GRB14: variants seen among roughly 807,000 people sequenced by gnomAD.
GRB14 encodes the protein growth factor receptor-bound protein 14.
A neutral mutation model predicts 69.1 loss-of-function variants in GRB14; 38 were observed. The observed-to-expected ratio is 0.55, with a 90% CI of 0.42 to 0.72. The LOEUF (loss-of-function observed/expected upper bound fraction) is 0.72. Ranked by LOEUF, GRB14 falls within the 30% of genes least tolerant of loss-of-function variation. The pLI, the probability that GRB14 is intolerant of heterozygous loss-of-function variation, is 0.00. For missense variants in GRB14, 666 were observed against 666.1 expected, an observed-to-expected ratio of 1.00 and a Z score of 0.00; for synonymous variants, 247 against 241.3, an observed-to-expected ratio of 1.02 and a Z score of -0.22.
intron 13 of GRB14, among the ~76,000 whole-genome samples, chr2:164,493,762 A>C (rs1244966069): frequency 6.6e-6 from 1 of 151,924 alleles, no homozygotes; most frequent in Non-Finnish European, 1.5e-5. Flanking sequence ...ATAACTCCAA[A>C]AAGAGGCAAT....
chr2:164,494,118 G>A (rs568019801), intron 13 of GRB14, among the ~76,000 whole-genome samples: 1 of 152,320 alleles, frequency 6.6e-6, no homozygotes, highest in South Asian at 2.1e-4. Context: ...AGAGCCGTTA[G>A]TGGAATTCAG....
At chr2:164,575,948 A>G (rs1279453332) in intron 2 of GRB14, among the ~76,000 whole-genome samples, 2 of 152,154 alleles carry the variant, frequency 1.3e-5, no homozygotes, top group Non-Finnish European at 2.9e-5. Context: ...TCACCTATTG[A>G]AAGAAAAACA....
intron 8 of GRB14, among the ~76,000 whole-genome samples, chr2:164,506,345 G>A (rs1687187047): frequency 6.6e-6 from 1 of 152,128 alleles, no homozygotes; most frequent in Admixed American, 6.6e-5. Context: ...GTAAATTTCA[G>A]TTAAACAAAA....
chr2:164,504,391 A>G (rs959342365), intron 8 of GRB14, among the ~76,000 whole-genome samples: 3 of 152,174 alleles, frequency 2.0e-5, no homozygotes, highest in Non-Finnish European at 4.4e-5. Flanking sequence ...AGACACTTCT[A>G]CCATCAGGTG....
chr2:164,537,101 T>C (rs1165672943), intron 3 of GRB14, among the ~76,000 whole-genome samples: 4 of 152,170 alleles, frequency 2.6e-5, no homozygotes, highest in African/African-American at 9.7e-5. Flanking sequence ...TCTCCCGGCC[T>C]GCTGTCAGAT....
At chr2:164,582,116 G>A (rs571536892) in intron 2 of GRB14, among the ~76,000 whole-genome samples, 49 of 152,174 alleles carry the variant, frequency 3.2e-4, no homozygotes, top group Non-Finnish European at 4.6e-4. Context: ...TATTTAATTG[G>A]CTATTTGATA....
At chr2:164,550,996 G>A (rs1688523431) in intron 2 of GRB14, among the ~76,000 whole-genome samples, 1 of 152,104 alleles carries the variant, frequency 6.6e-6, no homozygotes, top group African/African-American at 2.4e-5. Context: ...TGCTGGAACT[G>A]GCTTGCAAGA....
intron 2 of GRB14, among the ~76,000 whole-genome samples, chr2:164,560,221 G>C (rs1688786737): frequency 6.6e-6 from 1 of 152,106 alleles, no homozygotes; most frequent in African/African-American, 2.4e-5. Context: ...TTGGATAAAA[G>C]TATTAGATAA....
At chr2:164,555,898 T>C (rs980296157) in intron 2 of GRB14, among the ~76,000 whole-genome samples, 1 of 151,880 alleles carries the variant, frequency 6.6e-6, no homozygotes, top group African/African-American at 2.4e-5. Flanking sequence ...ATAAAAGAGC[T>C]TATAATGTTT....
chr2:164,609,637 C>T (rs1215424660), intron 2 of GRB14, among the ~76,000 whole-genome samples: 2 of 152,042 alleles, frequency 1.3e-5, no homozygotes, highest in Non-Finnish European at 2.9e-5. Context: ...CTTTCAGCAT[C>T]CTATACATAT....
chr2:164,521,155 C>CAGAT lies in GRB14; in HGVS notation c.816+821_816+824dup, dbSNP rs551667628. On this transcript the variant is annotated intron_variant, in intron 6 of 13. Transcript: ENST00000263915. ...ATAAAGAAATTGTGAGATAGACAGA[C>CAGAT]AGATAGATAGACAGACAGACCACGG... 8.6e-5 allele frequency among the ~76,000 whole-genome samples: 13 copies of CAGAT among 152,004 alleles called. No homozygotes were observed. The East Asian group carries it at 2.5e-3, about 29-fold the overall frequency.
chr2:164,576,320 T>C (rs1009492980), intron 2 of GRB14, among the ~76,000 whole-genome samples: 4 of 151,348 alleles, frequency 2.6e-5, no homozygotes, highest in African/African-American at 7.3e-5. Context: ...AATATATAAA[T>C]AGGGTAACAT....
At chr2:164,496,536 A>G (rs1239940400) in intron 12 of GRB14, among the ~76,000 whole-genome samples, 1 of 152,182 alleles carries the variant, frequency 6.6e-6, no homozygotes, top group African/African-American at 2.4e-5. Flanking sequence ...GGATGTAAAC[A>G]CACAAAAAAA....
At chr2:164,591,704 C>CCT (rs1689668142) in intron 2 of GRB14, among the ~76,000 whole-genome samples, 1 of 152,116 alleles carries the variant, frequency 6.6e-6, no homozygotes, top group Non-Finnish European at 1.5e-5. Context: ...GAGCCTACTG[C>CCT]CTTGTCCAAA....
chr2:164,545,338 TATTAA>T (rs1392196271), intron 3 of GRB14, among the ~76,000 whole-genome samples: 6 of 152,266 alleles, frequency 3.9e-5, no homozygotes, highest in African/African-American at 1.4e-4. Context: ...TTGCAGACAG[TATTAA>T]ATTAAGGATC....
chr2:164,522,534 T>C (rs930917808), intron 5 of GRB14, among the ~76,000 whole-genome samples: 2 of 152,274 alleles, frequency 1.3e-5, no homozygotes, highest in East Asian at 1.9e-4. Flanking sequence ...ATGCTTTTCA[T>C]CGTTTTCCAT....
chr2:164,504,611 CCAGATAAAGGGCCTCA>C (rs1179224153), intron 8 of GRB14, among the ~76,000 whole-genome samples: 1 of 152,092 alleles, frequency 6.6e-6, no homozygotes, highest in Non-Finnish European at 1.5e-5. Flanking sequence ...CTCACAGGTT[CCAGATAAAGGGCCTCA>C]CAGATGCCTC....
chr2:164,523,151 T>G (rs956072730), intron 5 of GRB14, among the ~76,000 whole-genome samples: 5 of 152,058 alleles, frequency 3.3e-5, no homozygotes, highest in African/African-American at 1.2e-4. Flanking sequence ...GAAGGGGACC[T>G]TCAATCCCCA....
At chr2:164,531,713 A>G (rs958787292) in intron 3 of GRB14, among the ~76,000 whole-genome samples, 2 of 152,160 alleles carry the variant, frequency 1.3e-5, no homozygotes, top group Admixed American at 6.5e-5. Context: ...TGAGGGAACT[A>G]GATGGTAACT....
Sources: gnomAD v4.1 joint callset for allele counts (sites outside exome capture counted in the v4.1 genomes callset) on GRCh38, gnomAD v4.1.1 for gene constraint, MANE v1.5 for transcripts, NCBI Gene and HGNC (gene_info 2026-07-23, HGNC 2026-07-21) for gene names.